Variants in KCNC2 observed in about 807,000 individuals in gnomAD.
KCNC2 encodes the protein potassium voltage-gated channel subfamily C member 2, also known as voltage-gated potassium channel KCNC2.
Under a neutral mutation model 44.5 loss-of-function variants are expected in KCNC2, and 21 were observed. The observed-to-expected ratio is 0.47, with a 90% CI of 0.33 to 0.68. The LOEUF (loss-of-function observed/expected upper bound fraction) is 0.68. Ranked by LOEUF, KCNC2 falls within the 30% of genes least tolerant of loss-of-function variation. The pLI is 0.01. For missense variants in KCNC2, 589 were observed against 826.2 expected, an observed-to-expected ratio of 0.71 and a Z score of 3.52; for synonymous variants, 391 against 339.1, an observed-to-expected ratio of 1.15 and a Z score of -1.68.
At chr12:75,192,898 A>C (rs2030421009) in intron 2 of KCNC2, among the ~76,000 whole-genome samples, 1 of 152,234 alleles carries the variant, frequency 6.6e-6, no homozygotes, top group Non-Finnish European at 1.5e-5. Context: ...AATTGCTAAA[A>C]GAGTATATTT....
At chr12:75,090,571 C>A (rs1329543571) in intron 2 of KCNC2, among the ~76,000 whole-genome samples, 2 of 151,670 alleles carry the variant, frequency 1.3e-5, no homozygotes, top group African/African-American at 4.8e-5. Context: ...TGACCCCTTA[C>A]AAGCCTAGGT....
chr12:75,101,524 C>A (rs1029310463), intron 2 of KCNC2, among the ~76,000 whole-genome samples: 2 of 152,044 alleles, frequency 1.3e-5, no homozygotes, highest in Non-Finnish European at 2.9e-5. Flanking sequence ...AGTGCAAGAG[C>A]ATAAAGAAAC....
intron 2 of KCNC2, among the ~76,000 whole-genome samples, chr12:75,206,738 C>T (rs2031716310): frequency 6.6e-6 from 1 of 152,182 alleles, no homozygotes; most frequent in African/African-American, 2.4e-5. Context: ...TGGAGATTCT[C>T]TTCACAACAT....
intron 2 of KCNC2, among the ~76,000 whole-genome samples, chr12:75,206,484 A>T (rs1425295357): frequency 6.6e-6 from 1 of 152,226 alleles, no homozygotes; most frequent in Non-Finnish European, 1.5e-5. Context: ...GAAAAAGAAC[A>T]CTGAGGCTGA....
intron 4 of KCNC2, among the ~76,000 whole-genome samples, chr12:75,045,364 T>C (rs1422433835): frequency 6.6e-6 from 1 of 151,980 alleles, no homozygotes; most frequent in Non-Finnish European, 1.5e-5. Context: ...ATAAATATTC[T>C]ATTCTGTTTA....
chr12:75,152,609 A>G (rs1359838805), intron 2 of KCNC2, among the ~76,000 whole-genome samples: 2 of 152,038 alleles, frequency 1.3e-5, no homozygotes, highest in East Asian at 3.9e-4. Flanking sequence ...GAACATTGGT[A>G]AATATGTAGG....
At chr12:75,078,447 G>A (rs1436696045) in intron 2 of KCNC2, among the ~76,000 whole-genome samples, 1 of 152,168 alleles carries the variant, frequency 6.6e-6, no homozygotes, top group Non-Finnish European at 1.5e-5. Context: ...TACAGGAGTA[G>A]AGAATAAAGA....
chr12:75,122,249 T>C (rs1236127641), intron 2 of KCNC2, among the ~76,000 whole-genome samples: 1 of 152,198 alleles, frequency 6.6e-6, no homozygotes, highest in Non-Finnish European at 1.5e-5. Flanking sequence ...GTACCAGGCA[T>C]GACAGGAGGT....
chr12:75,166,233 G>A (rs1231480573), intron 2 of KCNC2, among the ~76,000 whole-genome samples: 2 of 150,676 alleles, frequency 1.3e-5, no homozygotes, highest in Admixed American at 1.3e-4. Context: ...TCTAGTGCAG[G>A]GATTTTTTTA....
chr12:75,139,329 A>G (rs1889475061), intron 2 of KCNC2, among the ~76,000 whole-genome samples: 1 of 152,232 alleles, frequency 6.6e-6, no homozygotes, highest in African/African-American at 2.4e-5. Context: ...TAAAACATGA[A>G]CCAAAATTTT....
chr12:75,164,446 G>A (rs1034270901), intron 2 of KCNC2, among the ~76,000 whole-genome samples: 26 of 151,638 alleles, frequency 1.7e-4, no homozygotes, highest in African/African-American at 6.0e-4. Context: ...ATTCTACTGT[G>A]CACATTAACT....
At chr12:75,174,022 T>C (rs1892009292) in intron 2 of KCNC2, among the ~76,000 whole-genome samples, 2 of 151,988 alleles carry the variant, frequency 1.3e-5, no homozygotes, top group African/African-American at 4.8e-5. Flanking sequence ...ATTTTTTTCA[T>C]ATTTAGTATA....
In KCNC2 at chr12:75,050,441, T is replaced by C. The variant is rs775119334; in HGVS notation, c.1564A>G (p.Ser522Gly). The C allele has an allele frequency of 8.1e-6, 13 of 1,613,598 alleles. No homozygotes were observed. In the South Asian group the frequency reaches 1.2e-4, roughly 15 times the overall value. Residue 522 changes from serine to glycine, a missense_variant, in exon 3 of 5, where the codon AGT becomes GGT. This residue lies in a region of KCNC2 where 171 missense variants were observed against 182.4 expected (regional missense o/e 0.94). Coordinates refer to ENST00000549446, the MANE Select transcript of KCNC2 (RefSeq NM_139137.4). The part of the protein sequence containing the change: ...ELNMACNSTQ[S>G]DTCLGKDNRL... ...TTGTCTTTGCCCAGACATGTGTCAC[T>C]CTGTGTACTATTGCAGGCCATATTT...
chr12:75,070,386 G>C (rs1883278776), intron 2 of KCNC2, among the ~76,000 whole-genome samples: 1 of 148,288 alleles, frequency 6.7e-6, no homozygotes, highest in Non-Finnish European at 1.5e-5. Flanking sequence ...AGGAGGCCGA[G>C]GTTGCAGTGA....
chr12:75,116,150 T>C (rs528177442), intron 2 of KCNC2, among the ~76,000 whole-genome samples: 4 of 152,238 alleles, frequency 2.6e-5, no homozygotes, highest in South Asian at 4.1e-4. Context: ...ATTATACCTT[T>C]ACAAAGGGAG....
chr12:75,167,605 G>A (rs1010005690), intron 2 of KCNC2, among the ~76,000 whole-genome samples: 1 of 151,144 alleles, frequency 6.6e-6, no homozygotes, highest in African/African-American at 2.4e-5. Flanking sequence ...ATAAATAAAG[G>A]CTAATAACCA....
intron 2 of KCNC2, among the ~76,000 whole-genome samples, chr12:75,130,560 A>G (rs1190774978): frequency 6.6e-6 from 1 of 152,172 alleles, no homozygotes; most frequent in East Asian, 1.9e-4. Flanking sequence ...TCATGCTCTG[A>G]ATGAGGCTAC....
At chr12:75,104,489 G>A (rs1012902874) in intron 2 of KCNC2, among the ~76,000 whole-genome samples, 3 of 152,044 alleles carry the variant, frequency 2.0e-5, no homozygotes, top group African/African-American at 7.2e-5. Context: ...ATAAAGATCA[G>A]TACAGCACAT....
chr12:75,130,345 G>A (rs1020765102), intron 2 of KCNC2, among the ~76,000 whole-genome samples: 6 of 151,854 alleles, frequency 4.0e-5, no homozygotes, highest in African/African-American at 1.5e-4. Flanking sequence ...AATAATTTAT[G>A]TACATGGTTT....
Sources: gnomAD v4.1 joint callset for allele counts (sites outside exome capture counted in the v4.1 genomes callset) on GRCh38, gnomAD v4.1.1 for gene constraint, gnomAD v4.1.1 regional missense constraint, MANE v1.5 for transcripts, NCBI Gene and HGNC (gene_info 2026-07-23, HGNC 2026-07-21) for gene names.